The following PREX2 variants were observed in gnomAD, a reference collection of about 807,000 sequenced individuals.
PREX2 encodes the protein phosphatidylinositol 3,4,5-trisphosphate-dependent Rac exchanger 2 protein.
In PREX2, 107 loss-of-function variants were observed where a neutral mutation model predicts 203.2. That is an observed-to-expected ratio of 0.53 (90% CI 0.45 to 0.62). PREX2 has a LOEUF of 0.62. Among genes scored for constraint, PREX2 ranks in the 20% least tolerant of loss-of-function variants. The pLI, the probability that PREX2 is intolerant of heterozygous loss-of-function variation, is 0.00. For synonymous variants in PREX2, 672 were observed against 663.6 expected (o/e 1.01, Z -0.19); for missense variants, 1,777 against 1,955.9 (o/e 0.91, Z 1.72).
chr8:68,034,880 A>G (rs779845395), intron 6 of PREX2, among the ~76,000 whole-genome samples: 2 of 152,140 alleles, frequency 1.3e-5, no homozygotes, highest in Non-Finnish European at 2.9e-5. Flanking sequence ...ATACAAATTC[A>G]TCTTCTACCT....
At chr8:68,217,134 T>C (rs1233904093) in intron 37 of PREX2, among the ~76,000 whole-genome samples, 1 of 152,160 alleles carries the variant, frequency 6.6e-6, no homozygotes, top group African/African-American at 2.4e-5. Context: ...CTCTTTTAGA[T>C]TGAGTCCAAT....
At chr8:68,097,326 CT>C (rs5892134) in intron 22 of PREX2, 125 bp downstream of exon 22, 19,208 of 565,234 alleles carry the variant, frequency 0.034, no homozygotes, top group Middle Eastern at 0.051. Context: ...ATTCAAACTT[CT>C]TTTTTTTTTT....
chr8:68,035,403 G>A (rs997882339), intron 6 of PREX2, among the ~76,000 whole-genome samples: 2 of 152,052 alleles, frequency 1.3e-5, no homozygotes, highest in Non-Finnish European at 2.9e-5. Context: ...CATTGTATAC[G>A]AGTGGGGATG....
At chr8:68,007,954 T>C (rs1369445150) in intron 1 of PREX2, among the ~76,000 whole-genome samples, 1 of 152,212 alleles carries the variant, frequency 6.6e-6, no homozygotes, top group Non-Finnish European at 1.5e-5. Flanking sequence ...TTATAGCAAG[T>C]CTATAGGAGT....
At chr8:68,139,417 A>G (rs1438903695) in intron 33 of PREX2, among the ~76,000 whole-genome samples, 1 of 152,180 alleles carries the variant, frequency 6.6e-6, no homozygotes, top group Non-Finnish European at 1.5e-5. Context: ...GGTGGAGTGG[A>G]GCAAGTGAGG....
chr8:68,010,755 G>T (rs188351754), intron 1 of PREX2, among the ~76,000 whole-genome samples: 1 of 152,156 alleles, frequency 6.6e-6, no homozygotes, highest in Non-Finnish European at 1.5e-5. Flanking sequence ...GTTTGAGTGC[G>T]TATTTCTAGG....
chr8:68,194,596 A>C (rs1812358804), intron 37 of PREX2, among the ~76,000 whole-genome samples: 1 of 151,316 alleles, frequency 6.6e-6, no homozygotes. Context: ...TTCGAGAGCA[A>C]ACTCATCAAC....
At chr8:68,036,936 A>T (rs150845243) in intron 6 of PREX2, among the ~76,000 whole-genome samples, 138 of 152,284 alleles carry the variant, frequency 9.1e-4, no homozygotes, top group African/African-American at 2.7e-3. Flanking sequence ...GTGAAACTCC[A>T]TTTCAAAAAA....
intron 35 of PREX2, among the ~76,000 whole-genome samples, chr8:68,160,181 A>G (rs1811627276): frequency 6.6e-6 from 1 of 152,158 alleles, no homozygotes; most frequent in Admixed American, 6.6e-5. Flanking sequence ...TATGATCTCC[A>G]AGTAATCAGA....
At chr8:67,998,376 T>A (rs994536594) in intron 1 of PREX2, among the ~76,000 whole-genome samples, 4 of 152,226 alleles carry the variant, frequency 2.6e-5, no homozygotes, top group African/African-American at 9.6e-5. Context: ...TCCCCAACCT[T>A]CAGCGTGCTT....
chr8:68,090,799 A>G (rs1809848641), intron 20 of PREX2, 84 bp downstream of exon 20: 4 of 1,189,234 alleles, frequency 3.4e-6, no homozygotes, highest in African/African-American at 1.5e-5. Flanking sequence ...TGCCAGAGAT[A>G]TTTGTGGTTT....
Position 68,115,914 on chromosome 8 carries a change from G to A in PREX2, c.3308G>A (p.Ser1103Asn), listed in dbSNP as rs1810648110. Residue 1103 changes from serine to asparagine, a missense_variant, in exon 26 of 40, where the codon AGC becomes AAC. Coordinates refer to ENST00000288368, the MANE Select transcript of PREX2 (RefSeq NM_024870.4). ...GAAGATTCTGGTCATGACACCATCA[G>A]CAACAGAGACTCTTACAGGTAATTC... ...EQEDSGHDTI[S>N]NRDSYSDCNS... The A allele has an allele frequency of 3.1e-6, 5 of 1,611,162 alleles. No individual in the cohort carries two copies. Among genetic ancestry groups the A allele is most frequent in the Non-Finnish European group, 3.4e-6 (4 of 1,178,910 alleles).
At chr8:68,229,334 G>C (rs1360133663) in intron 39 of PREX2, among the ~76,000 whole-genome samples, 1 of 152,138 alleles carries the variant, frequency 6.6e-6, no homozygotes, top group Non-Finnish European at 1.5e-5. Flanking sequence ...GGCCCCAAAT[G>C]ATGGGCAGAC....
intron 32 of PREX2, among the ~76,000 whole-genome samples, chr8:68,134,574 A>C (rs966155153): frequency 6.6e-6 from 1 of 152,176 alleles, no homozygotes; most frequent in African/African-American, 2.4e-5. Flanking sequence ...CATCAGAAGA[A>C]AAAGGGTCTT....
chr8:68,192,385 G>T lies in PREX2; in HGVS notation c.4464G>T (p.Ser1488=). Reference sequence around the variant, plus strand: ...ATGAACTTTACCGACTGGTAGCCTCGTTTATCAGATCCAAGCGCACAGCTG... The same window carrying T: ...ATGAACTTTACCGACTGGTAGCCTCTTTTATCAGATCCAAGCGCACAGCTG... The part of the protein sequence containing the change: ...ALDELYRLVA[S]FIRSKRTAAC... Residue 1488 remains serine (S), a synonymous_variant, in exon 37 of 40, where the codon TCG becomes TCT. Coordinates refer to ENST00000288368, the MANE Select transcript of PREX2 (RefSeq NM_024870.4). The T allele has an allele frequency of 1.2e-6, 2 of 1,612,978 alleles. No homozygotes were observed. The highest frequency in any genetic ancestry group is 1.7e-4 in the Middle Eastern group (1 of 6,056).
chr8:68,053,385 G>A (rs1460973556), intron 9 of PREX2, 139 bp downstream of exon 9: 26 of 866,822 alleles, frequency 3.0e-5, no homozygotes, highest in Non-Finnish European at 4.4e-5. Flanking sequence ...AGTTATTGCA[G>A]TTTTGACATT....
intron 37 of PREX2, among the ~76,000 whole-genome samples, chr8:68,214,857 C>G (rs1430419783): frequency 2.0e-5 from 3 of 152,098 alleles, no homozygotes; most frequent in Non-Finnish European, 4.4e-5. Context: ...TATTTCCCAC[C>G]TTTATGTGAT....
intron 37 of PREX2, among the ~76,000 whole-genome samples, chr8:68,206,059 G>A (rs1367097649): frequency 6.6e-6 from 1 of 152,152 alleles, no homozygotes; most frequent in African/African-American, 2.4e-5. Flanking sequence ...GATGTTGGGA[G>A]CTGGAATTCT....
At chr8:68,106,527 T>C (rs1452712981) in intron 23 of PREX2, among the ~76,000 whole-genome samples, 1 of 152,196 alleles carries the variant, frequency 6.6e-6, no homozygotes, top group Non-Finnish European at 1.5e-5. Context: ...GGCACATGGC[T>C]GAACTACATA....
Sources: allele counts gnomAD v4.1 joint callset (sites outside exome capture counted in the v4.1 genomes callset), GRCh38; gene constraint gnomAD v4.1.1; transcripts MANE v1.5; gene names NCBI Gene and HGNC (gene_info 2026-07-23, HGNC 2026-07-21).